The following ITGA9 variants were observed in gnomAD, a reference collection of about 807,000 sequenced individuals.
ITGA9 encodes integrin alpha-9.
ITGA9 carries 56 observed loss-of-function variants against 127.8 expected under a neutral mutation model. The observed-to-expected ratio is 0.44, with a 90% CI of 0.35 to 0.55. The LOEUF is 0.55. Among genes scored for constraint, ITGA9 ranks in the 20% least tolerant of loss-of-function variants. The pLI, the probability that ITGA9 is intolerant of heterozygous loss-of-function variation, is 0.00. For synonymous variants in ITGA9, 508 were observed against 514.5 expected (o/e 0.99, Z 0.17); for missense variants, 1,196 against 1,347.1 (o/e 0.89, Z 1.76).
At chr3:37,510,771 G>T (rs1200994874) in intron 8 of ITGA9, among the ~76,000 whole-genome samples, 1 of 151,956 alleles carries the variant, frequency 6.6e-6, no homozygotes, top group Non-Finnish European at 1.5e-5. Flanking sequence ...CTTTTCTTTA[G>T]GGCTCTTCTG....
chr3:37,803,889 A>G lies in ITGA9; in HGVS notation c.2956A>G (p.Ser986Gly). The change falls in exon 27 of 28, where the codon AGT becomes GGT. Residue 986 changes from serine to glycine, a missense_variant. Transcript: ENST00000264741. ...GYVVGWIIAI[S>G]LLVGILIFLL... ...CGTCGTGGGGTGGATCATCGCCATCAGTTTGTTGGTGGGAATCCTCATCTT... is the reference window on the plus strand; with the variant it reads ...CGTCGTGGGGTGGATCATCGCCATCGGTTTGTTGGTGGGAATCCTCATCTT... 1 of 1,614,072 alleles carries G rather than the reference A, an allele frequency of 6.2e-7. No homozygotes were observed. The highest frequency in any genetic ancestry group is 8.5e-7 in the Non-Finnish European group (1 of 1,179,998).
At chr3:37,693,502 G>A (rs1021945640) in intron 18 of ITGA9, among the ~76,000 whole-genome samples, 2 of 152,164 alleles carry the variant, frequency 1.3e-5, no homozygotes, top group African/African-American at 4.8e-5. Flanking sequence ...ACCACAGAAA[G>A]GGTGGTCCCT....
chr3:37,512,185 TTTTCTTTTCTTTTCTTTTCTTTTC>T lies in ITGA9; in HGVS notation c.898-1570_898-1547del, dbSNP rs1204902776. On this transcript the variant is annotated intron_variant, in intron 8 of 27. Transcript: ENST00000264741. Reference sequence around the variant, plus strand: ...TTTTCTTTTCTTTTCTTTTCTTTTCTTTTCTTTTCTTTTCTTTTCTTTTCTTTCTTTCTTTCTTCTTTCTTTTCT... The same window carrying T: ...TTTTCTTTTCTTTTCTTTTCTTTTCTTTTCTTTCTTTCTTCTTTCTTTTCT... Among the ~76,000 whole-genome samples, 232 of 56,854 alleles carry T rather than the reference TTTTCTTTTCTTTTCTTTTCTTTTC, an allele frequency of 4.1e-3. 13 individuals carry two copies. The highest frequency in any genetic ancestry group is 9.5e-3 in the African/African-American group (107 of 11,266). The allele number at this position is 56,854 out of a possible 152,430, so 37.3% of individuals were successfully genotyped here.
At chr3:37,508,536 ATT>A (rs762490469) in intron 7 of ITGA9, 21 bp from the exon 8 acceptor site, 120 of 1,199,800 alleles carry the variant, frequency 1.0e-4, no homozygotes, top group Non-Finnish European at 1.2e-4. Context: ...TCCTAACTAG[ATT>A]TTTTTTTTTT....
Position 37,513,939 on chromosome 3 carries a change from G to A in ITGA9, c.1035+39G>A, listed in dbSNP as rs753394477. On this transcript the variant is annotated intron_variant, in intron 9 of 27. Transcript: ENST00000264741. ...TGGGCAATGTGCGGATGGGTGTGGG[G>A]GAGGGACATTTGTCCAGCCAGCAGT... The A allele has an allele frequency of 3.7e-6, 6 of 1,611,556 alleles. No individual in the cohort carries two copies. In the East Asian group the frequency reaches 8.9e-5, roughly 24 times the overall value.
At chr3:37,670,249 CCA>C (rs1364099507) in intron 17 of ITGA9, among the ~76,000 whole-genome samples, 2 of 152,048 alleles carry the variant, frequency 1.3e-5, no homozygotes, top group African/African-American at 4.8e-5. Context: ...ATGAAGTCAA[CCA>C]CAGTTTCTAA....
intron 15 of ITGA9, among the ~76,000 whole-genome samples, chr3:37,546,948 G>C (rs1699331953): frequency 6.6e-6 from 1 of 152,226 alleles, no homozygotes; most frequent in African/African-American, 2.4e-5. Flanking sequence ...CCTTTTGTGA[G>C]ATCAAATACC....
intron 8 of ITGA9, among the ~76,000 whole-genome samples, chr3:37,508,845 A>G (rs1468175318): frequency 6.6e-6 from 1 of 152,094 alleles, no homozygotes; most frequent in East Asian, 1.9e-4. Context: ...TAGCAAGATG[A>G]GTTATATGGG....
chr3:37,748,984 C>T, intron 22 of ITGA9: 1 of 497,968 alleles, frequency 2.0e-6, no homozygotes, highest in Non-Finnish European at 3.6e-6. Context: ...ATTGACATAG[C>T]TTCTTGTATT....
rs116936374 is a variant in ITGA9 at position 37,710,711 on chromosome 3, G to A, written c.2068-22001G>A. ...AGCCCTAGGACAACAGGCAGAAACC[G>A]GGACTGCCCCAGGCAGTTAAGATGC... On this transcript the variant is annotated intron_variant, in intron 18 of 27. Coordinates refer to ENST00000264741, the MANE Select transcript of ITGA9 (RefSeq NM_002207.3). 6.4e-4 allele frequency among the ~76,000 whole-genome samples: 97 copies of A among 152,316 alleles called. No homozygotes were observed. In the East Asian group the frequency reaches 9.8e-3, roughly 15 times the overall value.
intron 17 of ITGA9, among the ~76,000 whole-genome samples, chr3:37,671,680 A>G (rs543485111): frequency 4.7e-4 from 72 of 152,284 alleles, no homozygotes; most frequent in African/African-American, 1.7e-3. Context: ...ATTCAGTCCC[A>G]GGAATGATTT....
chr3:37,732,705 C>G lies in ITGA9; in HGVS notation c.2068-7C>G, dbSNP rs778634196. ...GCCGGCCCATCTGTTGGTGCTTTTTCTTTCAGGAGGAGATGGGCATCTCCT... is the reference window on the plus strand; with the variant it reads ...GCCGGCCCATCTGTTGGTGCTTTTTGTTTCAGGAGGAGATGGGCATCTCCT... On this transcript the variant is annotated splice_region_variant and splice_polypyrimidine_tract_variant and intron_variant, in intron 18 of 27. Coordinates refer to ENST00000264741, the MANE Select transcript of ITGA9 (RefSeq NM_002207.3). 1.6e-5 allele frequency: 26 copies of G among 1,603,648 alleles called. No individual in the cohort carries two copies. The highest frequency in any genetic ancestry group is 1.6e-5 in the Non-Finnish European group (19 of 1,175,772).
At chr3:37,613,756 T>C (rs1700046939) in intron 15 of ITGA9, among the ~76,000 whole-genome samples, 2 of 152,254 alleles carry the variant, frequency 1.3e-5, no homozygotes, top group African/African-American at 2.4e-5. Flanking sequence ...GCTGCATAAA[T>C]GTCTTCTTTT....
intron 3 of ITGA9, among the ~76,000 whole-genome samples, chr3:37,476,823 G>A (rs1698499817): frequency 6.6e-6 from 1 of 152,132 alleles, no homozygotes; most frequent in African/African-American, 2.4e-5. Context: ...AAGCCACTTG[G>A]GGATAGAGAC....
At chr3:37,662,192 A>G (rs950425218) in intron 17 of ITGA9, among the ~76,000 whole-genome samples, 1 of 152,110 alleles carries the variant, frequency 6.6e-6, no homozygotes, top group Non-Finnish European at 1.5e-5. Context: ...GCTTGAGCTC[A>G]GGAGTTTGAG....
intron 15 of ITGA9, among the ~76,000 whole-genome samples, chr3:37,619,325 G>A (rs1004152576): frequency 9.2e-5 from 14 of 152,150 alleles, no homozygotes; most frequent in African/African-American, 3.4e-4. Flanking sequence ...ATTAAGTATG[G>A]AATTTATTAC....
chr3:37,791,223 C>T (rs1575239516), intron 26 of ITGA9, among the ~76,000 whole-genome samples: 2 of 152,292 alleles, frequency 1.3e-5, no homozygotes, highest in East Asian at 1.9e-4. Flanking sequence ...CCCTCAAACT[C>T]CCGTCTCAGT....
At chr3:37,703,027 A>G (rs751325852) in intron 18 of ITGA9, among the ~76,000 whole-genome samples, 10 of 151,710 alleles carry the variant, frequency 6.6e-5, no homozygotes, top group African/African-American at 2.2e-4. Context: ...TGCTGCCTCT[A>G]CTCCCTTACT....
At chr3:37,713,915 C>T (rs1344514739) in intron 18 of ITGA9, among the ~76,000 whole-genome samples, 6 of 152,212 alleles carry the variant, frequency 3.9e-5, no homozygotes, top group Admixed American at 1.3e-4. Context: ...GTCTGTCTCA[C>T]GGTTTAAAAG....
Sources: allele counts gnomAD v4.1 joint callset (sites outside exome capture counted in the v4.1 genomes callset), GRCh38; gene constraint gnomAD v4.1.1; transcripts MANE v1.5; gene names NCBI Gene and HGNC (gene_info 2026-07-23, HGNC 2026-07-21).